The following SERPINB1 variants were observed in gnomAD, a reference collection of about 807,000 sequenced individuals.
The protein encoded by SERPINB1 is leukocyte elastase inhibitor.
A neutral mutation model predicts 25.9 loss-of-function variants in SERPINB1; 23 were observed. The ratio of observed to expected loss-of-function variants is 0.89; its 90% confidence interval spans 0.64 to 1.26. The LOEUF (loss-of-function observed/expected upper bound fraction) is 1.26. SERPINB1 is among the 50% of genes most tolerant of loss of function. The pLI is 0.00. For missense variants in SERPINB1, 399 were observed against 463.6 expected (o/e 0.86, Z 1.28); for synonymous variants, 178 against 178.7 (o/e 1.00, Z 0.03).
chr6:2,841,561 C>CT lies in SERPINB1; in HGVS notation c.-9+250dup, dbSNP rs1335173515. 2 of 152,586 alleles carry CT rather than the reference C, an allele frequency of 1.3e-5. No individual in the cohort carries two copies. Among genetic ancestry groups the CT allele is most frequent in the Non-Finnish European group, 2.9e-5 (2 of 68,352 alleles). The allele number at this position is 152,586 out of a possible 1,614,324, so 9.5% of individuals were successfully genotyped here. ...CTTCCGCCTGCATCTGTCGTCCTCC[C>CT]TCCCTCCCTCCCTCGCGGGCTGGCC... is the stretch of plus-strand genomic sequence containing the variant. On this transcript the variant is annotated intron_variant, in intron 1 of 6. Transcript: ENST00000380739. The surrounding 1 kb of genome is among the most constrained non-coding windows in gnomAD (Gnocchi z 4.5).
chr6:2,836,356 T>C, intron 4 of SERPINB1, 106 bp from the exon 5 acceptor site: 2 of 1,190,782 alleles, frequency 1.7e-6, no homozygotes, highest in Non-Finnish European at 2.3e-6. Context: ...AATTTCTACT[T>C]AATTTTCATT....
At chr6:2,835,756 C>T (rs1264037127) in intron 6 of SERPINB1, 100 bp downstream of exon 6, 1 of 1,306,790 alleles carries the variant, frequency 7.7e-7, no homozygotes, top group African/African-American at 1.5e-5. Context: ...TGACAAACTA[C>T]TGGAAAATGC....
rs757969406 is a variant in SERPINB1 at position 2,840,444 on chromosome 6, C to T, written c.143G>A (p.Gly48Asp). 2 of 1,613,982 alleles carry T rather than the reference C, an allele frequency of 1.2e-6. No homozygotes were observed. The highest frequency in any genetic ancestry group is 1.3e-5 in the African/African-American group (1 of 74,904). Residue 48 changes from glycine to aspartate, a missense_variant, in exon 2 of 7, where the codon GGT becomes GAT. By Grantham distance (94) the Gly-to-Asp change is moderately conservative. Coordinates refer to ENST00000380739, the MANE Select transcript of SERPINB1 (RefSeq NM_030666.4). ...AMAMVFLGTR[G>D]NTAAQLSKTF... ...CTTGGACAGCTGTGCTGCCGTGTTA[C>T]CTCTGGTCCCCAGAAAAACCATGGC...
At position 2,836,136 on chromosome 6, in the gene SERPINB1, G is replaced by A. The variant is rs1478556108; in HGVS notation, c.539C>T (p.Thr180Met). ...NWKDKFMKEA[T>M]TNAPFRLNKK... ...ATTCAATCTGAATGGTGCATTCGTCGTGGCTTCTTTCATGAATTTATCCTT... is the reference window on the plus strand; with the variant it reads ...ATTCAATCTGAATGGTGCATTCGTCATGGCTTCTTTCATGAATTTATCCTT... The change falls in exon 5 of 7, where the codon ACG becomes ATG. Residue 180 changes from threonine (T) to methionine (M), a missense_variant. Transcript: ENST00000380739. The A allele has an allele frequency of 9.3e-6, 15 of 1,613,662 alleles. No homozygotes were observed. The highest frequency in any genetic ancestry group is 6.6e-5 in the South Asian group (6 of 91,038).
Position 2,833,576 on chromosome 6 carries a change from C to A in SERPINB1, c.*32G>T. 6.4e-7 allele frequency: 1 copy of A among 1,550,660 alleles called. No homozygotes were observed. The highest frequency in any genetic ancestry group is 8.7e-7 in the Non-Finnish European group (1 of 1,149,908). Reference sequence around the variant, plus strand: ...AAAACTCAGGTAATAAAGCACTAAGCTTGATTTTTGTATTGCTACAGTCTC... The same window carrying A: ...AAAACTCAGGTAATAAAGCACTAAGATTGATTTTTGTATTGCTACAGTCTC... On this transcript the variant is annotated 3_prime_UTR_variant, in exon 7 of 7. Coordinates refer to ENST00000380739, the MANE Select transcript of SERPINB1 (RefSeq NM_030666.4).
chr6:2,833,712 A>G lies in SERPINB1; in HGVS notation c.1036T>C (p.Leu346=). ...ATAGIATFCM[L]MPEENFTADH... ...GCAGTGAAATTTTCTTCGGGCATCA[A>G]CATGCAGAAAGTTGCGATGCCTGCT... is the stretch of plus-strand genomic sequence containing the variant. Residue 346 remains leucine (L), a synonymous_variant, in exon 7 of 7, where the codon TTG becomes CTG. Transcript: ENST00000380739. 6.2e-7 allele frequency: 1 copy of G among 1,614,242 alleles called. No individual in the cohort carries two copies. The highest frequency in any genetic ancestry group is 8.5e-7 in the Non-Finnish European group (1 of 1,180,046).
chr6:2,833,802 A>C lies in SERPINB1; in HGVS notation c.946T>G (p.Ser316Ala), dbSNP rs1479208673. 9.3e-6 allele frequency: 15 copies of C among 1,614,062 alleles called. No homozygotes were observed. The highest frequency in any genetic ancestry group is 1.3e-5 in the Non-Finnish European group (15 of 1,179,982). ...ACAAATGACTTGTGGACAATTTTTGATATAAAAATATCTCTGGCTCCTGAC... is the reference window on the plus strand; with the variant it reads ...ACAAATGACTTGTGGACAATTTTTGCTATAAAAATATCTCTGGCTCCTGAC... ...GMSGARDIFI[S>A]KIVHKSFVEV... is the part of the protein sequence containing the mutation. Residue 316 changes from serine (S) to alanine (A), a missense_variant, in exon 7 of 7, where the codon TCA becomes GCA. Transcript: ENST00000380739.
chr6:2,835,704 C>G, intron 6 of SERPINB1, 152 bp downstream of exon 6: 1 of 827,076 alleles, frequency 1.2e-6, no homozygotes, highest in South Asian at 2.0e-5. Context: ...TAACTCTGGG[C>G]TTTAGTGTAG....
intron 2 of SERPINB1, among the ~76,000 whole-genome samples, chr6:2,839,724 A>T (rs1766593236): frequency 6.6e-6 from 1 of 152,160 alleles, no homozygotes; most frequent in Admixed American, 6.5e-5. Flanking sequence ...TCTCAGAATT[A>T]AAGAGTACCA....
chr6:2,836,430 C>A (rs1411442800), intron 4 of SERPINB1, among the ~76,000 whole-genome samples, 180 bp from the exon 5 acceptor site: 1 of 152,102 alleles, frequency 6.6e-6, no homozygotes, highest in African/African-American at 2.4e-5. Flanking sequence ...GTATAACAAC[C>A]TGTGGGGCAG....
chr6:2,835,851 C>G lies in SERPINB1; in HGVS notation c.735+5G>C. ...ACCACAAAGCATGAAGCCCAGGAGC[C>G]ATACCTTCTTCAGGCCCGTGGACTC... On this transcript the variant is annotated splice_donor_5th_base_variant and intron_variant, in intron 6 of 6. Coordinates refer to ENST00000380739, the MANE Select transcript of SERPINB1 (RefSeq NM_030666.4). 2 of 1,610,812 alleles carry G rather than the reference C, an allele frequency of 1.2e-6. No homozygotes were observed.
At position 2,839,342 on chromosome 6, in the gene SERPINB1, T is replaced by C. The variant is rs1204951806; in HGVS notation, c.169-656A>G. On this transcript the variant is annotated intron_variant, in intron 2 of 6. Coordinates refer to ENST00000380739, the MANE Select transcript of SERPINB1 (RefSeq NM_030666.4). ...GAAGTCCACATTACTCACCGAGATATGGAATGTTTGCACTGTGCCTATGCT... is the reference window on the plus strand; with the variant it reads ...GAAGTCCACATTACTCACCGAGATACGGAATGTTTGCACTGTGCCTATGCT... 5.4e-5 allele frequency: 53 copies of C among 984,772 alleles called. No individual in the cohort carries two copies. In the Admixed American group the frequency reaches 9.9e-4, roughly 18 times the overall value. The allele number at this position is 984,772 out of a possible 1,614,324, so 61.0% of individuals were successfully genotyped here.
intron 2 of SERPINB1, chr6:2,839,252 G>A: frequency 1.1e-6 from 1 of 934,228 alleles, no homozygotes; most frequent in South Asian, 4.9e-5. Context: ...GCCCTTTGTG[G>A]TTTTATGAGA....
rs377395232 is a variant in SERPINB1 at position 2,836,157 on chromosome 6, T to C, written c.518A>G (p.Asp173Gly). Residue 173 changes from aspartate (D) to glycine (G), a missense_variant, in exon 5 of 7, where the codon GAT (aspartate) becomes GGT (glycine). Coordinates refer to ENST00000380739, the MANE Select transcript of SERPINB1 (RefSeq NM_030666.4). ...CGTCGTGGCTTCTTTCATGAATTTA[T>C]CCTTCCAGTTTCCCTTGAAATAGAT... is the stretch of plus-strand genomic sequence containing the variant. ...NAIYFKGNWK[D>G]KFMKEATTNA... 6.2e-7 allele frequency: 1 copy of C among 1,614,182 alleles called. No homozygotes were observed. Among genetic ancestry groups the C allele is most frequent in the Admixed American group, 1.7e-5 (1 of 60,016 alleles).
intron 6 of SERPINB1, 84 bp downstream of exon 6, chr6:2,835,772 C>T: frequency 7.0e-7 from 1 of 1,421,210 alleles, no homozygotes; most frequent in Non-Finnish European, 9.6e-7. Flanking sequence ...AATGCACCAT[C>T]AGTGAACACT....
In SERPINB1 at chr6:2,833,450, G is replaced by T; in HGVS notation, c.*158C>A. 4.5e-6 allele frequency: 3 copies of T among 669,578 alleles called. No homozygotes were observed. The highest frequency in any genetic ancestry group is 2.6e-5 in the South Asian group (1 of 38,284). The allele number at this position is 669,578 out of a possible 1,614,324, so 41.5% of individuals were successfully genotyped here. A position where few individuals can be genotyped will look rare whatever the true frequency, so the allele number is the denominator to read the frequency against. Reference sequence around the variant, plus strand: ...ATAGATACCCATGCCAAAATTCATGGGTGTAAACAGCCAACAGAGCCAAAC... The same window carrying T: ...ATAGATACCCATGCCAAAATTCATGTGTGTAAACAGCCAACAGAGCCAAAC... On this transcript the variant is annotated 3_prime_UTR_variant, in exon 7 of 7. Transcript: ENST00000380739.
chr6:2,839,842 TC>T lies in SERPINB1; in HGVS notation c.168+576del, dbSNP rs1239988331. On this transcript the variant is annotated intron_variant, in intron 2 of 6. Coordinates refer to ENST00000380739, the MANE Select transcript of SERPINB1 (RefSeq NM_030666.4). ...GGTCCCGCCCCTGAAGCTGCGGGTC[TC>T]CCCCTCACCTCCCCTGCAGGGCGTG... Among the ~76,000 whole-genome samples, 8 of 152,052 alleles carry T rather than the reference TC, an allele frequency of 5.3e-5. No individual in the cohort carries two copies. In the East Asian group the frequency reaches 1.5e-3, roughly 29 times the overall value.
chr6:2,838,022 A>G, intron 3 of SERPINB1, 23 bp from the exon 4 acceptor site: 1 of 1,482,360 alleles, frequency 6.7e-7, no homozygotes, highest in South Asian at 1.1e-5. Flanking sequence ...AGGAAAAGGA[A>G]ATATATATAT....
rs573093195 is a variant in SERPINB1 at position 2,840,293 on chromosome 6, C to A, written c.168+126G>T. On this transcript the variant is annotated intron_variant, in intron 2 of 6. Transcript: ENST00000380739. ...ATACAAGTGTGACTTTTCTGAAAGT[C>A]TGATCTCATAAAAATACAGTTCTGA... 2.6e-6 allele frequency: 3 copies of A among 1,162,904 alleles called. No individual in the cohort carries two copies. The East Asian group carries it at 7.3e-5, about 28-fold the overall frequency. The allele number at this position is 1,162,904 out of a possible 1,614,324, so 72.0% of individuals were successfully genotyped here.
Sources: allele counts gnomAD v4.1 joint callset (sites outside exome capture counted in the v4.1 genomes callset), GRCh38; gene constraint gnomAD v4.1.1; non-coding constraint Gnocchi (gnomAD v3.1); transcripts MANE v1.5; gene names NCBI Gene and HGNC (gene_info 2026-07-23, HGNC 2026-07-21).